NEBL: variants seen among roughly 807,000 people sequenced by gnomAD.
The protein encoded by NEBL is nebulette, also known as LIM and SH3 protein 2.
A neutral mutation model predicts 140.2 loss-of-function variants in NEBL; 122 were observed. The ratio of observed to expected loss-of-function variants is 0.87; its 90% CI spans 0.75 to 1.01. The LOEUF (loss-of-function observed/expected upper bound fraction) is 1.01. Ranked by LOEUF, NEBL falls within the 50% of genes least tolerant of loss-of-function variation. NEBL has a pLI of 0.00. For missense variants in NEBL, 1,365 were observed against 1,231.3 expected, an observed-to-expected ratio of 1.11 and a Z score of -1.62; for synonymous variants, 436 against 398.9, an observed-to-expected ratio of 1.09 and a Z score of -1.11.
At chr10:21,158,518 G>A (rs1015514269) in intron 2 of NEBL, among the ~76,000 whole-genome samples, 5 of 152,134 alleles carry the variant, frequency 3.3e-5, no homozygotes, top group East Asian at 3.9e-4. Context: ...TGAGGAAACC[G>A]AGGGATGGTG....
chr10:21,277,439 A>T (rs1842939071), intron 1 of NEBL, among the ~76,000 whole-genome samples: 1 of 151,950 alleles, frequency 6.6e-6, no homozygotes, highest in Non-Finnish European at 1.5e-5. Flanking sequence ...CGAACTCCTG[A>T]CCTCAAGTGA....
chr10:20,994,400 G>A (rs1209014463), intron 3 of NEBL, among the ~76,000 whole-genome samples: 3 of 152,264 alleles, frequency 2.0e-5, no homozygotes, highest in South Asian at 2.1e-4. Context: ...GAGTAATTGC[G>A]TCTATAATAT....
At chr10:21,132,895 A>ATGATC (rs1335064079) in intron 2 of NEBL, among the ~76,000 whole-genome samples, 96 of 152,350 alleles carry the variant, frequency 6.3e-4, no homozygotes, top group African/African-American at 2.2e-3. Context: ...TATCAGAAGA[A>ATGATC]TGATCTGCAA....
At chr10:21,203,207 C>T (rs1222707638) in intron 3 of NEBL, among the ~76,000 whole-genome samples, 1 of 152,134 alleles carries the variant, frequency 6.6e-6, no homozygotes, top group East Asian at 1.9e-4. Context: ...TAGAAGAACA[C>T]GACTAAGCTG....
chr10:20,941,689 C>T (rs11012408), intron 4 of NEBL, among the ~76,000 whole-genome samples: 101,844 of 151,254 alleles, frequency 0.67, 34,794 homozygotes, highest in Admixed American at 0.78. Flanking sequence ...AAAACCCCAT[C>T]GTCTCAGCCC....
chr10:20,781,280 T>C lies in NEBL; in HGVS notation c.*4467A>G, dbSNP rs1373341915. On this transcript the variant is annotated 3_prime_UTR_variant, in exon 28 of 28. Coordinates refer to ENST00000377122, the MANE Select transcript of NEBL (RefSeq NM_006393.3). Reference sequence around the variant, plus strand: ...ATTTGCAAAACATTCAATGTTTTCTTCAAAACTGTTACACTCTCAAAGTTA... The same window carrying C: ...ATTTGCAAAACATTCAATGTTTTCTCCAAAACTGTTACACTCTCAAAGTTA... 6.6e-6 allele frequency: 1 copy of C among 152,642 alleles called. No individual in the cohort carries two copies. The highest frequency in any genetic ancestry group is 6.5e-5 in the Admixed American group (1 of 15,268). The allele number at this position is 152,642 out of a possible 1,614,324, so 9.5% of individuals were successfully genotyped here.
chr10:20,877,984 C>T (rs1189757774), intron 5 of NEBL, among the ~76,000 whole-genome samples: 6 of 152,176 alleles, frequency 3.9e-5, no homozygotes, highest in African/African-American at 1.2e-4. Flanking sequence ...ATTTTCTTGA[C>T]ATGAGACGAT....
intron 2 of NEBL, among the ~76,000 whole-genome samples, chr10:21,135,316 G>A (rs940577734): frequency 1.1e-4 from 16 of 152,138 alleles, no homozygotes; most frequent in African/African-American, 2.7e-4. Context: ...AGGACAGCCC[G>A]TCCTCCCTTA....
At chr10:21,283,647 T>G (rs2132300203) in intron 1 of NEBL, among the ~76,000 whole-genome samples, 1 of 152,292 alleles carries the variant, frequency 6.6e-6, no homozygotes, top group African/African-American at 2.4e-5. Context: ...CAGCAGAGTC[T>G]GGAATAAGAC....
At chr10:20,949,403 T>C (rs143026145) in intron 4 of NEBL, among the ~76,000 whole-genome samples, 2 of 152,148 alleles carry the variant, frequency 1.3e-5, no homozygotes, top group Non-Finnish European at 2.9e-5. Context: ...CCATGGCACA[T>C]GTATACCTAT....
At chr10:21,072,763 G>A (rs1378977038) in intron 2 of NEBL, among the ~76,000 whole-genome samples, 3 of 152,106 alleles carry the variant, frequency 2.0e-5, no homozygotes, top group Admixed American at 6.5e-5. Context: ...GGCTGAGGCC[G>A]GTGGATAACT....
intron 3 of NEBL, chr10:20,961,874 G>A (rs1366820607): frequency 1.1e-6 from 1 of 907,706 alleles, no homozygotes; most frequent in Non-Finnish European, 1.8e-6. Context: ...TGGAAACAAT[G>A]GCTAAAAACA....
chr10:21,116,018 T>C (rs1354652972), intron 2 of NEBL, among the ~76,000 whole-genome samples: 1 of 152,134 alleles, frequency 6.6e-6, no homozygotes, highest in Non-Finnish European at 1.5e-5. Context: ...TTTATCCCTC[T>C]CATGTATCTT....
chr10:21,179,996 G>C (rs7067884), intron 3 of NEBL, among the ~76,000 whole-genome samples: 8 of 151,978 alleles, frequency 5.3e-5, no homozygotes, highest in Non-Finnish European at 8.8e-5. Context: ...AATTAGCTGG[G>C]TGTGGTGGTA....
chr10:20,933,277 G>A (rs1433191463), intron 4 of NEBL, among the ~76,000 whole-genome samples: 1 of 152,068 alleles, frequency 6.6e-6, no homozygotes, highest in East Asian at 1.9e-4. Context: ...GAAAGAAAGT[G>A]TCAATTTTTT....
intron 3 of NEBL, among the ~76,000 whole-genome samples, chr10:21,185,288 C>T (rs561074471): frequency 6.6e-6 from 1 of 152,232 alleles, no homozygotes; most frequent in South Asian, 2.1e-4. Flanking sequence ...ATGAAAAGGT[C>T]ACCGTTCCCA....
chr10:21,158,773 G>A (rs939822827), intron 2 of NEBL, among the ~76,000 whole-genome samples: 2 of 152,126 alleles, frequency 1.3e-5, no homozygotes, highest in Non-Finnish European at 2.9e-5. Context: ...TCTTAATGAC[G>A]TTTTGGATCT....
At chr10:20,832,560 T>C (rs1840519140) in intron 14 of NEBL, among the ~76,000 whole-genome samples, 1 of 152,204 alleles carries the variant, frequency 6.6e-6, no homozygotes, top group South Asian at 2.1e-4. Flanking sequence ...GCTGTACATA[T>C]ATAAATTTGC....
At chr10:20,798,677 T>A (rs187755075) in intron 26 of NEBL, among the ~76,000 whole-genome samples, 207 of 152,308 alleles carry the variant, frequency 1.4e-3, no homozygotes, top group South Asian at 5.0e-3. Context: ...AGAGCCACAT[T>A]TATGTTCTTC....
Sources: gnomAD v4.1 joint callset for allele counts (sites outside exome capture counted in the v4.1 genomes callset) on GRCh38, gnomAD v4.1.1 for gene constraint, MANE v1.5 for transcripts, NCBI Gene and HGNC (gene_info 2026-07-23, HGNC 2026-07-21) for gene names.